Variants in HNF4G observed in about 807,000 individuals in gnomAD.
The protein encoded by HNF4G is hepatocyte nuclear factor 4-gamma.
HNF4G carries 21 observed loss-of-function variants against 50.9 expected under a neutral mutation model. The observed-to-expected ratio is 0.41, with a 90% CI of 0.29 to 0.59. HNF4G has a LOEUF of 0.59. Ranked by LOEUF, HNF4G falls within the 20% of genes least tolerant of loss-of-function variation. The probability of loss-of-function intolerance (pLI) is 0.26; values close to 1 mark genes in which losing one functional copy is unlikely to be tolerated. For synonymous variants in HNF4G, 198 were observed against 185.6 expected, an observed-to-expected ratio of 1.07 and a Z score of -0.54; for missense variants, 527 against 559.4, an observed-to-expected ratio of 0.94 and a Z score of 0.58.
intron 5 of HNF4G, among the ~76,000 whole-genome samples, chr8:75,553,769 G>C (rs1478537180): frequency 6.6e-6 from 1 of 151,958 alleles, no homozygotes; most frequent in Non-Finnish European, 1.5e-5. Context: ...GTAGAAACAT[G>C]ATCAGAAATT....
At chr8:75,514,579 C>T (rs12682220) in intron 2 of HNF4G, among the ~76,000 whole-genome samples, 1 of 151,588 alleles carries the variant, frequency 6.6e-6, no homozygotes, top group Non-Finnish European at 1.5e-5. Context: ...TCTCGAACTC[C>T]TGACCTTGGG....
At chr8:75,472,815 C>T (rs1307229751) in intron 1 of HNF4G, among the ~76,000 whole-genome samples, 2 of 151,998 alleles carry the variant, frequency 1.3e-5, no homozygotes, top group African/African-American at 4.8e-5. Context: ...TATTTTATTC[C>T]CAGTGCGTAG....
intron 1 of HNF4G, among the ~76,000 whole-genome samples, chr8:75,431,533 G>T (rs1381015065): frequency 2.6e-5 from 4 of 152,098 alleles, no homozygotes; most frequent in Admixed American, 2.6e-4. Flanking sequence ...AATATAAATT[G>T]AGTTAAATTT....
At chr8:75,481,785 A>C (rs1410995470) in intron 1 of HNF4G, among the ~76,000 whole-genome samples, 1 of 152,172 alleles carries the variant, frequency 6.6e-6, no homozygotes, top group African/African-American at 2.4e-5. Flanking sequence ...AATTTTTGAC[A>C]TCTGAAAACT....
chr8:75,521,083 T>C (rs1228411591), intron 2 of HNF4G, among the ~76,000 whole-genome samples: 1 of 152,172 alleles, frequency 6.6e-6, no homozygotes. Context: ...AGTGGATATA[T>C]TTTATACATG....
At chr8:75,425,312 G>A (rs935566427) in intron 1 of HNF4G, among the ~76,000 whole-genome samples, 2 of 151,250 alleles carry the variant, frequency 1.3e-5, no homozygotes, top group Non-Finnish European at 2.9e-5. Flanking sequence ...TTGAGCTCCC[G>A]ACCTCAAGTG....
intron 5 of HNF4G, among the ~76,000 whole-genome samples, chr8:75,554,577 C>A (rs532870273): frequency 6.6e-6 from 1 of 151,980 alleles, no homozygotes; most frequent in Admixed American, 6.6e-5. Context: ...TAAAACTGAA[C>A]CCTAGATCAG....
intron 2 of HNF4G, among the ~76,000 whole-genome samples, chr8:75,534,744 G>A (rs1046222829): frequency 4.6e-5 from 7 of 151,756 alleles, no homozygotes; most frequent in African/African-American, 1.7e-4. Context: ...TTTTTTAGTA[G>A]TGATGTGATA....
intron 3 of HNF4G, among the ~76,000 whole-genome samples, chr8:75,549,335 T>G (rs1465787117): frequency 6.6e-6 from 1 of 152,168 alleles, no homozygotes; most frequent in Non-Finnish European, 1.5e-5. Context: ...CAATATCTTT[T>G]AGCATTTTTC....
At chr8:75,560,737 G>A (rs1807287229) in intron 9 of HNF4G, among the ~76,000 whole-genome samples, 1 of 152,142 alleles carries the variant, frequency 6.6e-6, no homozygotes, top group South Asian at 2.1e-4. Context: ...TGCTTTGCAT[G>A]GTAGTGTGAG....
chr8:75,563,193 C>G lies in HNF4G; in HGVS notation c.1247-782C>G, dbSNP rs183133765. On this transcript the variant is annotated intron_variant, in intron 9 of 9. Coordinates refer to ENST00000396423, the MANE Select transcript of HNF4G (RefSeq NM_004133.5). The stretch of plus-strand genomic sequence containing the variant: ...AATACAATAACAATAAGCGTGAGTA[C>G]TAAAATATTTCAAGTTTCTAAAAAT... Among the ~76,000 whole-genome samples the G allele has an allele frequency of 3.9e-5, 6 of 152,116 alleles. No homozygotes were observed. In the East Asian group the frequency reaches 1.2e-3, roughly 29 times the overall value.
chr8:75,515,088 G>A (rs144460238), intron 2 of HNF4G, among the ~76,000 whole-genome samples: 5 of 152,200 alleles, frequency 3.3e-5, no homozygotes, highest in African/African-American at 1.2e-4. Flanking sequence ...GCTCAACAAT[G>A]TCTATGTATT....
At chr8:75,547,497 G>A in intron 2 of HNF4G, 90 bp from the exon 3 acceptor site, 1 of 927,040 alleles carries the variant, frequency 1.1e-6, no homozygotes, top group Non-Finnish European at 1.7e-6. Context: ...AACCGAATTT[G>A]ACAATACATA....
chr8:75,537,530 G>T (rs1381511300), upstream of HNF4G, among the ~76,000 whole-genome samples: 1 of 152,078 alleles, frequency 6.6e-6, no homozygotes, highest in Non-Finnish European at 1.5e-5. Flanking sequence ...ACAGGCGTGA[G>T]CTACCGTGCC....
chr8:75,413,999 T>C (rs1309067280), intron 1 of HNF4G, among the ~76,000 whole-genome samples: 1 of 152,232 alleles, frequency 6.6e-6, no homozygotes, highest in Non-Finnish European at 1.5e-5. Context: ...AAATTCTTTA[T>C]TTTTAAGTCA....
chr8:75,441,415 T>A (rs1045228611), intron 1 of HNF4G, among the ~76,000 whole-genome samples: 1 of 151,968 alleles, frequency 6.6e-6, no homozygotes, highest in Admixed American at 6.6e-5. Flanking sequence ...CCGGCTAATA[T>A]TTGTATTTTT....
chr8:75,468,837 C>T (rs1007375688), intron 1 of HNF4G, among the ~76,000 whole-genome samples: 28 of 151,282 alleles, frequency 1.9e-4, no homozygotes, highest in African/African-American at 6.3e-4. Context: ...ATCTAGAAAG[C>T]AAGTTAAGAC....
At chr8:75,487,901 G>A (rs1483218623) in intron 1 of HNF4G, among the ~76,000 whole-genome samples, 4 of 152,086 alleles carry the variant, frequency 2.6e-5, no homozygotes, top group Non-Finnish European at 5.9e-5. Context: ...AAGCAAACAC[G>A]GCCTTCTTCA....
At chr8:75,465,568 GA>G (rs1425182340) in intron 1 of HNF4G, among the ~76,000 whole-genome samples, 1 of 151,968 alleles carries the variant, frequency 6.6e-6, no homozygotes, top group Non-Finnish European at 1.5e-5. Context: ...AAGCAAAACA[GA>G]AAATACATTT....
Sources: allele counts gnomAD v4.1 joint callset (sites outside exome capture counted in the v4.1 genomes callset), GRCh38; gene constraint gnomAD v4.1.1; transcripts MANE v1.5; gene names NCBI Gene and HGNC (gene_info 2026-07-23, HGNC 2026-07-21).